The following RINL variants were observed in gnomAD, a reference collection of about 807,000 sequenced individuals.
RINL encodes ras and Rab interactor-like protein.
A neutral mutation model predicts 58.1 loss-of-function variants in RINL; 39 were observed. The observed-to-expected ratio is 0.67, with a 90% CI of 0.52 to 0.88. The LOEUF (loss-of-function observed/expected upper bound fraction) is 0.88. RINL is among the 40% of genes least tolerant of loss of function. RINL has a pLI of 0.00. For synonymous variants in RINL, 286 were observed against 323.1 expected, an observed-to-expected ratio of 0.89 and a Z score of 1.23; for missense variants, 711 against 749.2, an observed-to-expected ratio of 0.95 and a Z score of 0.60.
intron 3 of RINL, among the ~76,000 whole-genome samples, chr19:38,875,999 G>T (rs564136498): frequency 2.0e-5 from 3 of 152,076 alleles, no homozygotes; most frequent in Non-Finnish European, 4.4e-5. Flanking sequence ...GCCAAGAAAT[G>T]GGATGAAGAG....
intron 4 of RINL, among the ~76,000 whole-genome samples, chr19:38,873,296 A>G (rs1268841354): frequency 6.6e-6 from 1 of 151,226 alleles, no homozygotes; most frequent in African/African-American, 2.4e-5. Flanking sequence ...GAGGGGCAAT[A>G]GATAGAGAGA....
chr19:38,876,954 C>T (rs1020749333), intron 1 of RINL, among the ~76,000 whole-genome samples, 173 bp from the exon 2 acceptor site: 3 of 152,168 alleles, frequency 2.0e-5, no homozygotes, highest in Non-Finnish European at 1.5e-5. Context: ...CACTGTATTG[C>T]CCAGACTGCA....
rs757988457 is a variant in RINL at position 38,876,416 on chromosome 19, C to T, written c.125G>A (p.Arg42His). ...CCACACCCCCCATGTCCTCTGCAGG[C>T]GAGTAAGTGGCTCTAGGGTGCTGAG... ...GVLSTLEPLTRLQRTWGVWHV... is the reference protein window; with the variant it reads ...GVLSTLEPLTHLQRTWGVWHV... Residue 42 changes from arginine to histidine, a missense_variant, in exon 3 of 12, where the codon CGC becomes CAC. By Grantham distance (29) the Arg-to-His change is conservative. Coordinates refer to ENST00000591812, the MANE Select transcript of RINL (RefSeq NM_001195833.2). The T allele has an allele frequency of 5.3e-5, 82 of 1,535,952 alleles. No individual in the cohort carries two copies. The highest frequency in any genetic ancestry group is 2.9e-4 in the African/African-American group (21 of 73,016).
chr19:38,871,760 A>G, intron 5 of RINL, 38 bp downstream of exon 5: 2 of 1,613,712 alleles, frequency 1.2e-6, no homozygotes, highest in Non-Finnish European at 1.7e-6. Context: ...TGTCTTAGGG[A>G]AGGGTCCCCC....
chr19:38,869,441 C>G lies in RINL; in HGVS notation c.1475-31G>C. ...GACAGAAAGGGAAGTCAGCTCCGCC[C>G]TCTCGGCTTCCCTGGTCGCCCCAAA... is the stretch of plus-strand genomic sequence containing the variant. On this transcript the variant is annotated intron_variant, in intron 10 of 11. Transcript: ENST00000591812. The surrounding 1 kb of genome is among the most constrained non-coding windows in gnomAD (Gnocchi z 5.7). The G allele has an allele frequency of 6.3e-7, 1 of 1,577,368 alleles. No individual in the cohort carries two copies.
At chr19:38,871,360 G>T in intron 6 of RINL, 133 bp from the exon 7 acceptor site, 1 of 996,306 alleles carries the variant, frequency 1.0e-6, no homozygotes, top group Non-Finnish European at 1.5e-6. Context: ...CCCCTCCTCA[G>T]TCAGACCCAG....
chr19:38,876,322 A>G lies in RINL; in HGVS notation c.210+9T>C, dbSNP rs1203832522. ...GTGTCAGGATGGGCCCCCAGCTGTG[A>G]GTACTCACCCCTAGTGGCCACAGCC... is the stretch of plus-strand genomic sequence containing the variant. On this transcript the variant is annotated intron_variant, in intron 3 of 11. Coordinates refer to ENST00000591812, the MANE Select transcript of RINL (RefSeq NM_001195833.2). 6.5e-7 allele frequency: 1 copy of G among 1,534,798 alleles called. No homozygotes were observed. The highest frequency in any genetic ancestry group is 2.0e-5 in the Admixed American group (1 of 50,856).
intron 1 of RINL, among the ~76,000 whole-genome samples, chr19:38,877,842 T>C (rs1972974444): frequency 6.7e-6 from 1 of 149,532 alleles, no homozygotes; most frequent in South Asian, 2.1e-4. Context: ...ATTTACTGAA[T>C]ACAGGCTGGA....
At position 38,876,813 on chromosome 19, in the gene RINL, C is replaced by G. The variant is rs1038346285; in HGVS notation, c.-39-32G>C. On this transcript the variant is annotated intron_variant, in intron 1 of 11. Transcript: ENST00000591812. ...GGGAGAAAGGTAAGACTCAAAGCTG[C>G]TCTAGCCCTCGGGTCATGTTCAAGA... 5 of 1,228,142 alleles carry G rather than the reference C, an allele frequency of 4.1e-6. No individual in the cohort carries two copies. In the African/African-American group the frequency reaches 7.5e-5, roughly 18 times the overall value. 76.1% of individuals were successfully genotyped at this position (1,228,142 alleles called of 1,614,324 possible). A position where few individuals can be genotyped will look rare whatever the true frequency, so the allele number is the denominator to read the frequency against.
Position 38,870,961 on chromosome 19 carries a change from G to A in RINL, c.633C>T (p.Ser211=). Reference sequence around the variant, plus strand: ...CCGGGCTGAGCGGGCCTTTCACCCAGGAGACCCCGTGAGGCGCAGGGTTCC... The same window carrying A: ...CCGGGCTGAGCGGGCCTTTCACCCAAGAGACCCCGTGAGGCGCAGGGTTCC... ...APRNPAPHGV[S]WVKGPLSPEV... is the part of the protein sequence containing the mutation. The change falls in exon 8 of 12, where the codon TCC becomes TCT. Residue 211 remains serine, a synonymous_variant. Coordinates refer to ENST00000591812, the MANE Select transcript of RINL (RefSeq NM_001195833.2). The surrounding 1 kb of genome is among the most constrained non-coding windows in gnomAD (Gnocchi z 5.8). The A allele has an allele frequency of 6.2e-7, 1 of 1,605,140 alleles. No individual in the cohort carries two copies. Among genetic ancestry groups the A allele is most frequent in the Non-Finnish European group, 8.5e-7 (1 of 1,178,814 alleles).
Position 38,868,877 on chromosome 19 carries a change from A to G in RINL, c.*227T>C, listed in dbSNP as rs1972728765. The stretch of plus-strand genomic sequence containing the variant: ...CCTTTCTGCAGATGTCACCTCAGTG[A>G]GGCTTTCTCTGATACGCCTGTCTAA... On this transcript the variant is annotated 3_prime_UTR_variant, in exon 12 of 12. Transcript: ENST00000591812. 1 of 467,446 alleles carries G rather than the reference A, an allele frequency of 2.1e-6. No individual in the cohort carries two copies. The allele number at this position is 467,446 out of a possible 1,614,324, so 29.0% of individuals were successfully genotyped here. A position where few individuals can be genotyped will look rare whatever the true frequency, so the allele number is the denominator to read the frequency against.
In RINL at chr19:38,869,171, G is replaced by A. The variant is rs373106714; in HGVS notation, c.1639-5C>T. 2.5e-6 allele frequency: 4 copies of A among 1,614,014 alleles called. No individual in the cohort carries two copies. The highest frequency in any genetic ancestry group is 2.5e-6 in the Non-Finnish European group (3 of 1,180,016). ...CTCCTTAAAGGGCAGGTTGGCCTGT[G>A]GGGAGAGGTGGGAGCTGGGTCAGAA... On this transcript the variant is annotated splice_polypyrimidine_tract_variant and splice_region_variant and intron_variant, in intron 11 of 11. Coordinates refer to ENST00000591812, the MANE Select transcript of RINL (RefSeq NM_001195833.2). The surrounding 1 kb of genome is among the most constrained non-coding windows in gnomAD (Gnocchi z 5.7).
Position 38,869,986 on chromosome 19 carries a change from C to A in RINL, c.1299G>T (p.Val433=), listed in dbSNP as rs745591768. ...CCAGGCCCGCATAGACATCTCTGCA[C>A]ACCTCCAAGAGGAGCGCCACCTTGC... The part of the protein sequence containing the change: ...PRRKVALLLE[V]CRDVYAGLAR... Residue 433 remains valine, a synonymous_variant, in exon 9 of 12, where the codon GTG becomes GTT. Coordinates refer to ENST00000591812, the MANE Select transcript of RINL (RefSeq NM_001195833.2). The surrounding 1 kb of genome is among the most constrained non-coding windows in gnomAD (Gnocchi z 5.7). The A allele has an allele frequency of 6.3e-7, 1 of 1,597,622 alleles. No homozygotes were observed. Among genetic ancestry groups the A allele is most frequent in the Non-Finnish European group, 8.5e-7 (1 of 1,173,402 alleles).
In RINL at chr19:38,876,445, C is replaced by T; in HGVS notation, c.96G>A (p.Gly32=). The change falls in exon 3 of 12, where the codon GGG becomes GGA. Residue 32 remains glycine (G), a synonymous_variant. Coordinates refer to ENST00000591812, the MANE Select transcript of RINL (RefSeq NM_001195833.2). The part of the protein sequence containing the change: ...QVNKADRTPL[G]VLSTLEPLTR... ...TAAGTGGCTCTAGGGTGCTGAGGACCCCTAGAGGGGTCCTGTCTGCTTTGT... is the reference window on the plus strand; with the variant it reads ...TAAGTGGCTCTAGGGTGCTGAGGACTCCTAGAGGGGTCCTGTCTGCTTTGT... 6.5e-7 allele frequency: 1 copy of T among 1,536,008 alleles called. No homozygotes were observed. The highest frequency in any genetic ancestry group is 8.7e-7 in the Non-Finnish European group (1 of 1,146,864).
rs1258417651 is a variant in RINL at position 38,868,924 on chromosome 19, G to A, written c.*180C>T. 5 of 573,868 alleles carry A rather than the reference G, an allele frequency of 8.7e-6. No homozygotes were observed. The highest frequency in any genetic ancestry group is 1.5e-5 in the Non-Finnish European group (5 of 328,450). The allele number at this position is 573,868 out of a possible 1,614,324, so 35.5% of individuals were successfully genotyped here. A position where few individuals can be genotyped will look rare whatever the true frequency, so the allele number is the denominator to read the frequency against. ...CTAAAACTGCAAAGCCTCCTGAGTA[G>A]CTGGTACCACAGGAGTACGCCACCA... On this transcript the variant is annotated 3_prime_UTR_variant, in exon 12 of 12. Transcript: ENST00000591812.
At chr19:38,877,600 G>T (rs1195515627) in intron 1 of RINL, among the ~76,000 whole-genome samples, 2 of 152,208 alleles carry the variant, frequency 1.3e-5, no homozygotes, top group Non-Finnish European at 2.9e-5. Flanking sequence ...CCACTACCAA[G>T]ATTCTACCAT....
intron 3 of RINL, among the ~76,000 whole-genome samples, chr19:38,876,009 G>A (rs998283040): frequency 6.6e-6 from 1 of 151,674 alleles, no homozygotes; most frequent in Non-Finnish European, 1.5e-5. Flanking sequence ...GGGATGAAGA[G>A]GAATTTATAA....
Position 38,869,312 on chromosome 19 carries a change from G to A in RINL, c.1573C>T (p.Arg525Cys), listed in dbSNP as rs1568384821. The A allele has an allele frequency of 6.2e-7, 1 of 1,614,046 alleles. No homozygotes were observed. Among genetic ancestry groups the A allele is most frequent in the South Asian group, 1.1e-5 (1 of 91,074 alleles). ...RAPRGLSSEA[R>C]ASLHQWHRRR... ...CGGTGCCACTGGTGCAGGGAGGCGC[G>A]GGCCTCGGAGCTGAGCCCCCGGGGA... Residue 525 changes from arginine (R) to cysteine (C), a missense_variant, in exon 11 of 12, where the codon CGC becomes TGC. Coordinates refer to ENST00000591812, the MANE Select transcript of RINL (RefSeq NM_001195833.2). This position sits in a 1 kb window ranked among gnomAD's most constrained non-coding sequence, Gnocchi z 5.7.
At position 38,870,990 on chromosome 19, in the gene RINL, G is replaced by C. The variant is rs1972798884; in HGVS notation, c.604C>G (p.Pro202Ala). The change falls in exon 8 of 12, where the codon CCC (proline) becomes GCC (alanine). Residue 202 changes from proline to alanine, a missense_variant and splice_region_variant. Physicochemically the swap from Pro to Ala is conservative, Grantham distance 27. Transcript: ENST00000591812. The surrounding 1 kb of genome is among the most constrained non-coding windows in gnomAD (Gnocchi z 5.8). ...ACCCCGTGAGGCGCAGGGTTCCTGGGGGCTGGAAGTGAGGAGGGCATTCGG... is the reference window on the plus strand; with the variant it reads ...ACCCCGTGAGGCGCAGGGTTCCTGGCGGCTGGAAGTGAGGAGGGCATTCGG... Reference protein sequence around the residue: ...PEAAQRHDPAPRNPAPHGVSW... With the variant: ...PEAAQRHDPAARNPAPHGVSW... 6.3e-7 allele frequency: 1 copy of C among 1,595,058 alleles called. No individual in the cohort carries two copies. Among genetic ancestry groups the C allele is most frequent in the African/African-American group, 1.3e-5 (1 of 74,484 alleles).
Sources: gnomAD v4.1 joint callset for allele counts (sites outside exome capture counted in the v4.1 genomes callset) on GRCh38, gnomAD v4.1.1 for gene constraint, Gnocchi (gnomAD v3.1) non-coding constraint, MANE v1.5 for transcripts, NCBI Gene and HGNC (gene_info 2026-07-23, HGNC 2026-07-21) for gene names.